Variants in WWOX observed in about 807,000 individuals in gnomAD.
The protein encoded by WWOX is WW domain-containing oxidoreductase.
In WWOX, 69 loss-of-function variants were observed where a neutral mutation model predicts 46.2. That is an observed-to-expected ratio of 1.49 (90% confidence interval 1.23 to 1.82). The LOEUF (loss-of-function observed/expected upper bound fraction) is 1.82. Among genes scored for constraint, WWOX ranks in the 40% most tolerant of loss-of-function variants. The probability of loss-of-function intolerance (pLI) is 0.00; values close to 1 mark genes in which losing one functional copy is unlikely to be tolerated. For synonymous variants in WWOX, 359 were observed against 202.6 expected (o/e 1.77, Z -6.56); for missense variants, 919 against 542.6 (o/e 1.69, Z -6.89).
intron 8 of WWOX, among the ~76,000 whole-genome samples, chr16:78,559,130 G>C (rs2044374076): frequency 6.6e-6 from 1 of 152,224 alleles, no homozygotes; most frequent in Non-Finnish European, 1.5e-5. Flanking sequence ...CTTGGAGATA[G>C]AGCTGACCTT....
chr16:78,690,516 T>C (rs536273103), intron 8 of WWOX, among the ~76,000 whole-genome samples: 2 of 152,202 alleles, frequency 1.3e-5, no homozygotes, highest in Admixed American at 1.3e-4. Flanking sequence ...CGTGACACTG[T>C]ACTGCAGCCT....
chr16:78,542,377 G>T (rs2151529432), intron 8 of WWOX, among the ~76,000 whole-genome samples: 1 of 152,238 alleles, frequency 6.6e-6, no homozygotes, highest in East Asian at 1.9e-4. Context: ...GGAGAGAGAG[G>T]CAATCAGAAG....
chr16:78,434,623 C>T (rs1371067981), intron 8 of WWOX, among the ~76,000 whole-genome samples: 1 of 152,172 alleles, frequency 6.6e-6, no homozygotes, highest in East Asian at 1.9e-4. Context: ...TGAGTCATCT[C>T]ACTTGTATTT....
At chr16:78,146,872 T>C (rs1371479460) in intron 4 of WWOX, among the ~76,000 whole-genome samples, 2 of 152,200 alleles carry the variant, frequency 1.3e-5, no homozygotes, top group Non-Finnish European at 2.9e-5. Context: ...AGAGTATAAT[T>C]TACTTCCTTG....
intron 8 of WWOX, among the ~76,000 whole-genome samples, chr16:78,893,050 C>A (rs190462830): frequency 5.9e-5 from 9 of 152,098 alleles, no homozygotes; most frequent in Admixed American, 4.6e-4. Flanking sequence ...CAAAGCAGAC[C>A]GTGAGGTCAG....
intron 8 of WWOX, among the ~76,000 whole-genome samples, chr16:78,840,298 C>T (rs144073644): frequency 2.6e-5 from 4 of 152,290 alleles, no homozygotes; most frequent in East Asian, 1.9e-4. Flanking sequence ...ATTTCTTTCA[C>T]GTCTTGTTCT....
chr16:78,258,032 T>C (rs1299401386), intron 5 of WWOX, among the ~76,000 whole-genome samples: 2 of 152,204 alleles, frequency 1.3e-5, no homozygotes, highest in Admixed American at 1.3e-4. Flanking sequence ...GTAAGTATGA[T>C]GTAGGAAAAT....
At chr16:78,471,041 G>A (rs1398792209) in intron 8 of WWOX, among the ~76,000 whole-genome samples, 1 of 152,174 alleles carries the variant, frequency 6.6e-6, no homozygotes, top group Non-Finnish European at 1.5e-5. Flanking sequence ...TGGCATTGCT[G>A]GTATTTTCAC....
chr16:78,683,795 G>C (rs1324597488), intron 8 of WWOX, among the ~76,000 whole-genome samples: 2 of 152,128 alleles, frequency 1.3e-5, no homozygotes, highest in African/African-American at 4.8e-5. Context: ...AGGGCATGAA[G>C]AGCTCACTCA....
chr16:78,434,967 G>C (rs73572853), intron 8 of WWOX, among the ~76,000 whole-genome samples: 4,587 of 152,268 alleles, frequency 0.03, 217 homozygotes, highest in African/African-American at 0.1. Flanking sequence ...TTGGAGAAGA[G>C]TTGATTATTA....
chr16:78,771,459 C>T (rs1047933372), intron 8 of WWOX, among the ~76,000 whole-genome samples: 1 of 152,128 alleles, frequency 6.6e-6, no homozygotes, highest in Non-Finnish European at 1.5e-5. Context: ...ATTAATGCCA[C>T]GGAATTGTAT....
At chr16:78,643,750 G>T (rs945661818) in intron 8 of WWOX, among the ~76,000 whole-genome samples, 2 of 151,500 alleles carry the variant, frequency 1.3e-5, no homozygotes, top group Admixed American at 1.3e-4. Context: ...TAGACTTCTT[G>T]TGCCTGTAGA....
chr16:78,278,904 C>T (rs1016722993), intron 5 of WWOX, among the ~76,000 whole-genome samples: 8 of 151,726 alleles, frequency 5.3e-5, no homozygotes, highest in South Asian at 4.2e-4. Flanking sequence ...TGTGCGTGTA[C>T]GTGTATACAT....
At chr16:78,534,423 G>T (rs1370095120) in intron 8 of WWOX, 2 of 152,188 alleles carry the variant, frequency 1.3e-5, no homozygotes, top group Non-Finnish European at 2.9e-5. Flanking sequence ...GAGGCTCATG[G>T]TGAAAGAAGA....
At chr16:78,222,657 G>C (rs895144865) in intron 5 of WWOX, among the ~76,000 whole-genome samples, 1 of 152,134 alleles carries the variant, frequency 6.6e-6, no homozygotes, top group Non-Finnish European at 1.5e-5. Flanking sequence ...TAGCCCTGGC[G>C]AGGCTGGCCC....
chr16:78,745,701 G>C (rs1253532114), intron 8 of WWOX, among the ~76,000 whole-genome samples: 2 of 147,954 alleles, frequency 1.4e-5, no homozygotes, highest in African/African-American at 5.0e-5. Flanking sequence ...CCCCCTCACT[G>C]CCACACCCCC....
chr16:78,187,308 C>G (rs550242571), intron 5 of WWOX, among the ~76,000 whole-genome samples: 1 of 152,156 alleles, frequency 6.6e-6, no homozygotes, highest in Non-Finnish European at 1.5e-5. Context: ...GAGGACTGCA[C>G]TCAAGGAACT....
At chr16:79,078,931 C>T (rs1227698862) in intron 8 of WWOX, among the ~76,000 whole-genome samples, 1 of 152,182 alleles carries the variant, frequency 6.6e-6, no homozygotes, top group East Asian at 1.9e-4. Context: ...CCTCTCCCAA[C>T]CAGAGATCAA....
intron 1 of WWOX, among the ~76,000 whole-genome samples, chr16:78,100,430 AT>A (rs1180442461): frequency 1.3e-5 from 2 of 152,068 alleles, no homozygotes; most frequent in Non-Finnish European, 2.9e-5. Flanking sequence ...TTTTTTAAGT[AT>A]TTGTAGAGAC....
Sources: gnomAD v4.1 joint callset for allele counts (sites outside exome capture counted in the v4.1 genomes callset) on GRCh38, gnomAD v4.1.1 for gene constraint, MANE v1.5 for transcripts, NCBI Gene and HGNC (gene_info 2026-07-23, HGNC 2026-07-21) for gene names.